ROBO1: variants seen among roughly 807,000 people sequenced by gnomAD.
The protein encoded by ROBO1 is roundabout guidance receptor 1.
Under a neutral mutation model 195.9 loss-of-function variants are expected in ROBO1, and 149 were observed. That is an observed-to-expected ratio of 0.76 (90% CI 0.67 to 0.87). ROBO1 has a LOEUF of 0.87. Ranked by LOEUF, ROBO1 falls within the 40% of genes least tolerant of loss-of-function variation. The pLI, the probability that ROBO1 is intolerant of heterozygous loss-of-function variation, is 0.00. For synonymous variants in ROBO1, 816 were observed against 733.2 expected, an observed-to-expected ratio of 1.11 and a Z score of -1.82; for missense variants, 1,933 against 2,068.3, an observed-to-expected ratio of 0.93 and a Z score of 1.27.
intron 2 of ROBO1, among the ~76,000 whole-genome samples, chr3:79,518,741 T>C (rs1941064069): frequency 6.6e-6 from 1 of 151,928 alleles, no homozygotes; most frequent in Admixed American, 6.6e-5. Context: ...AGTGCAATGG[T>C]GCGATCTCGG....
At chr3:78,902,157 G>A (rs928564132) in intron 4 of ROBO1, among the ~76,000 whole-genome samples, 1 of 151,856 alleles carries the variant, frequency 6.6e-6, no homozygotes. Flanking sequence ...TATCTTCTAG[G>A]ATTTATGAAA....
At chr3:78,638,428 T>A (rs887630419) in intron 22 of ROBO1, among the ~76,000 whole-genome samples, 2 of 151,892 alleles carry the variant, frequency 1.3e-5, no homozygotes, top group South Asian at 4.1e-4. Context: ...TTATTTAAAT[T>A]TTTTTGTTAT....
intron 1 of ROBO1, among the ~76,000 whole-genome samples, chr3:79,659,246 A>G (rs1946259011): frequency 6.6e-6 from 1 of 152,126 alleles, no homozygotes; most frequent in Non-Finnish European, 1.5e-5. Flanking sequence ...TGAGATTTCA[A>G]TAGTAATGAA....
chr3:78,930,814 T>C (rs1038463239), intron 4 of ROBO1, among the ~76,000 whole-genome samples: 7 of 152,226 alleles, frequency 4.6e-5, no homozygotes, highest in East Asian at 1.9e-4. Flanking sequence ...CTGACTATTA[T>C]GCAACTCATT....
In ROBO1 at chr3:79,463,278, G is replaced by C. The variant is rs542368129; in HGVS notation, c.88+126546C>G. Among the ~76,000 whole-genome samples the C allele has an allele frequency of 4.1e-4, 63 of 152,068 alleles. 1 individual carries two copies. The highest frequency in any genetic ancestry group is 1.5e-3 in the African/African-American group (62 of 41,488). ...TAGTCCCAGCTACTTGGGAGGCTGA[G>C]GCAGGAGAATGGCGTGAACCCAGGA... is the stretch of plus-strand genomic sequence containing the variant. On this transcript the variant is annotated intron_variant, in intron 2 of 30. Coordinates refer to ENST00000464233, the MANE Select transcript of ROBO1 (RefSeq NM_002941.4).
chr3:79,289,599 ATAGT>A (rs1335560142), intron 2 of ROBO1, among the ~76,000 whole-genome samples: 2 of 152,190 alleles, frequency 1.3e-5, no homozygotes, highest in African/African-American at 4.8e-5. Context: ...TGGGTGTTAT[ATAGT>A]ACCATAGATA....
At chr3:79,370,172 T>C (rs2036137967) in intron 2 of ROBO1, among the ~76,000 whole-genome samples, 1 of 151,076 alleles carries the variant, frequency 6.6e-6, no homozygotes, top group Admixed American at 6.6e-5. Context: ...CTGGGCAACA[T>C]GGTGAAACCT....
chr3:78,602,064 G>A (rs1035967754), intron 29 of ROBO1, among the ~76,000 whole-genome samples: 33 of 150,598 alleles, frequency 2.2e-4, no homozygotes, highest in African/African-American at 6.8e-4. Flanking sequence ...GTGTGTGTGT[G>A]TGTATATATA....
chr3:79,062,900 G>T (rs1444516516), intron 3 of ROBO1, among the ~76,000 whole-genome samples: 2 of 151,620 alleles, frequency 1.3e-5, no homozygotes, highest in African/African-American at 2.4e-5. Flanking sequence ...GTTGATGGGT[G>T]CAGCAAACCA....
At chr3:79,044,200 G>A (rs2078546786) in intron 3 of ROBO1, among the ~76,000 whole-genome samples, 1 of 151,862 alleles carries the variant, frequency 6.6e-6, no homozygotes, top group African/African-American at 2.4e-5. Flanking sequence ...TTAGCCTGCA[G>A]TTAAAGCCAT....
At chr3:79,339,547 C>T (rs539928278) in intron 2 of ROBO1, among the ~76,000 whole-genome samples, 16 of 152,276 alleles carry the variant, frequency 1.1e-4, no homozygotes, top group African/African-American at 3.9e-4. Context: ...TTGTCATCAT[C>T]CCTAGTTAGC....
chr3:79,527,007 T>C (rs1941460891), intron 2 of ROBO1, among the ~76,000 whole-genome samples: 2 of 152,136 alleles, frequency 1.3e-5, no homozygotes, highest in South Asian at 2.1e-4. Flanking sequence ...TGAATACACA[T>C]GAGGCTTCCA....
chr3:79,584,610 A>AGTGT (rs143360306), intron 2 of ROBO1, among the ~76,000 whole-genome samples: 1,332 of 131,734 alleles, frequency 0.01, 35 homozygotes, highest in African/African-American at 0.039. Flanking sequence ...TAGGTGGGTG[A>AGTGT]GTGTGTGTGT....
chr3:78,889,305 C>T (rs1432743484), intron 4 of ROBO1, among the ~76,000 whole-genome samples: 2 of 152,162 alleles, frequency 1.3e-5, no homozygotes, highest in Non-Finnish European at 2.9e-5. Flanking sequence ...GCCAGAGGAA[C>T]ATGTCAGGGG....
rs550055540 is a variant in ROBO1, at chr3:79,750,686, C to T, written c.-51+17066G>A. On this transcript the variant is annotated intron_variant, in intron 1 of 30. Coordinates refer to ENST00000464233, the MANE Select transcript of ROBO1 (RefSeq NM_002941.4). ...CAAGCTCTTTGGCTGCTGCCATCCA[C>T]GTAAGATGTGACTTGCTCTTCCTTG... 1.1e-4 allele frequency among the ~76,000 whole-genome samples: 17 copies of T among 152,270 alleles called. No homozygotes were observed. The East Asian group carries it at 2.1e-3, about 19-fold the overall frequency.
intron 2 of ROBO1, among the ~76,000 whole-genome samples, chr3:79,194,614 T>A (rs1253898652): frequency 6.6e-6 from 1 of 151,774 alleles, no homozygotes; most frequent in East Asian, 1.9e-4. Context: ...TATAGACGTA[T>A]AAATGCCGCA....
intron 2 of ROBO1, among the ~76,000 whole-genome samples, chr3:79,429,387 C>T (rs1413154798): frequency 6.6e-6 from 1 of 152,056 alleles, no homozygotes; most frequent in African/African-American, 2.4e-5. Context: ...ATTCAAGATC[C>T]AGGGTCCACA....
Position 78,606,919 on chromosome 3 carries a change from T to C in ROBO1, c.4558A>G (p.Arg1520Gly). 6.2e-7 allele frequency: 1 copy of C among 1,613,976 alleles called. No individual in the cohort carries two copies. Among genetic ancestry groups the C allele is most frequent in the Non-Finnish European group, 8.5e-7 (1 of 1,179,884 alleles). ...KLPSMDARTDRSSDRKGSSYK... is the reference protein window; with the variant it reads ...KLPSMDARTDGSSDRKGSSYK... ...CTGCTTCCTTTTCTGTCTGATGATC[T>C]GTCTGTTCTTGCATCCATAGAAGGG... The change falls in exon 29 of 31, where the codon AGA becomes GGA. Residue 1520 changes from arginine to glycine, a missense_variant. By Grantham distance (125) the Arg-to-Gly change is moderately radical. Coordinates refer to ENST00000464233, the MANE Select transcript of ROBO1 (RefSeq NM_002941.4).
intron 2 of ROBO1, among the ~76,000 whole-genome samples, chr3:79,435,261 G>T (rs1326808171): frequency 6.6e-6 from 1 of 151,994 alleles, no homozygotes; most frequent in Admixed American, 6.6e-5. Context: ...GAGACGATGG[G>T]AGGTGGGTGA....
Sources: allele counts gnomAD v4.1 joint callset (sites outside exome capture counted in the v4.1 genomes callset), GRCh38; gene constraint gnomAD v4.1.1; transcripts MANE v1.5; gene names NCBI Gene and HGNC (gene_info 2026-07-23, HGNC 2026-07-21).